Variants in RUFY3 observed in about 807,000 individuals in gnomAD.
RUFY3 encodes protein RUFY3.
In RUFY3, 34 loss-of-function variants were observed where a neutral mutation model predicts 84.0. The ratio of observed to expected loss-of-function variants is 0.40; its 90% CI spans 0.31 to 0.54. RUFY3 has a LOEUF of 0.54. RUFY3 is among the 20% of genes least tolerant of loss of function. The pLI is 0.39. For synonymous variants in RUFY3, 242 were observed against 252.9 expected, an observed-to-expected ratio of 0.96 and a Z score of 0.41; for missense variants, 507 against 736.8, an observed-to-expected ratio of 0.69 and a Z score of 3.61.
At chr4:70,804,442 C>T (rs770978924) in intron 17 of RUFY3, 26 bp downstream of exon 17, 1 of 1,597,300 alleles carries the variant, frequency 6.3e-7, no homozygotes, top group South Asian at 1.1e-5. Flanking sequence ...AACGGACAGG[C>T]TTTTCATAGG....
upstream of RUFY3, chr4:70,703,831 C>G (rs1739956538): frequency 6.6e-6 from 1 of 152,138 alleles, no homozygotes; most frequent in Admixed American, 6.5e-5. Flanking sequence ...AAGGGCTGAA[C>G]AGAGAAGAGG....
At chr4:70,763,741 A>T in intron 3 of RUFY3, 72 bp downstream of exon 3, 16 of 1,538,060 alleles carry the variant, frequency 1.0e-5, no homozygotes, top group Non-Finnish European at 1.3e-5. Context: ...AGCAAGACTA[A>T]AGACAATTAT....
At chr4:70,792,628 G>C in intron 12 of RUFY3, 3 of 985,314 alleles carry the variant, frequency 3.0e-6, no homozygotes, top group Non-Finnish European at 3.6e-6. Context: ...ATGCTTTGCA[G>C]CATTTCAGCT....
rs910197342 is a variant in RUFY3, at chr4:70,808,297, T to A, written c.*1638T>A. ...TACTTACTTACATATCTATCTATCTTTGAGTAACAAACTCTTTGGGGGAAA... is the reference window on the plus strand; with the variant it reads ...TACTTACTTACATATCTATCTATCTATGAGTAACAAACTCTTTGGGGGAAA... On this transcript the variant is annotated 3_prime_UTR_variant, in exon 18 of 18. Coordinates refer to ENST00000381006, the MANE Select transcript of RUFY3 (RefSeq NM_001037442.4). 1.4e-4 allele frequency among the ~76,000 whole-genome samples: 22 copies of A among 151,908 alleles called. No homozygotes were observed. The highest frequency in any genetic ancestry group is 4.9e-4 in the African/African-American group (20 of 41,190).
rs560604740 is a variant in RUFY3 at position 70,747,330 on chromosome 4, TAAAAC to T, written c.179-15184_179-15180del. On this transcript the variant is annotated intron_variant, in intron 1 of 17. Transcript: ENST00000381006. ...ACACATCATTTATTTGTATGTATCT[TAAAAC>T]AAAAGTTTCATGAAACAATACATAG... 1.3e-3 allele frequency among the ~76,000 whole-genome samples: 204 copies of T among 152,292 alleles called. 1 individual carries two copies. Among genetic ancestry groups the T allele is most frequent in the African/African-American group, 4.5e-3 (186 of 41,554 alleles).
At chr4:70,777,014 A>G (rs1007780541) in intron 7 of RUFY3, among the ~76,000 whole-genome samples, 5 of 152,108 alleles carry the variant, frequency 3.3e-5, no homozygotes, top group Admixed American at 6.6e-5. Context: ...ACTTCCCTCT[A>G]TTGTTTGTGT....
intron 1 of RUFY3, chr4:70,741,694 C>A: frequency 2.1e-6 from 3 of 1,457,150 alleles, no homozygotes; most frequent in Non-Finnish European, 2.7e-6. Context: ...CGTGCCACAC[C>A]AACATCTTTC....
At chr4:70,763,340 G>C (rs558746301) in intron 2 of RUFY3, among the ~76,000 whole-genome samples, 4 of 152,110 alleles carry the variant, frequency 2.6e-5, no homozygotes, top group Admixed American at 6.6e-5. Flanking sequence ...GCCACAAACT[G>C]TTTGTGAAAG....
intron 10 of RUFY3, among the ~76,000 whole-genome samples, chr4:70,788,247 TG>T (rs1730231783): frequency 6.6e-6 from 1 of 150,454 alleles, no homozygotes; most frequent in African/African-American, 2.5e-5. Context: ...ACTGAGCCCC[TG>T]CACTCCAGCC....
chr4:70,791,702 C>G (rs1365574012), intron 12 of RUFY3: 9 of 1,006,006 alleles, frequency 8.9e-6, no homozygotes, highest in African/African-American at 1.7e-5. Context: ...CAAGCCTGTT[C>G]TGCCATTGCA....
At chr4:70,758,987 G>A (rs1724523184) in intron 1 of RUFY3, among the ~76,000 whole-genome samples, 2 of 151,772 alleles carry the variant, frequency 1.3e-5, no homozygotes, top group African/African-American at 2.4e-5. Flanking sequence ...GCAGTGAGCC[G>A]AGATCGTGCC....
At chr4:70,743,966 A>G (rs1721736828) in intron 1 of RUFY3, among the ~76,000 whole-genome samples, 1 of 152,170 alleles carries the variant, frequency 6.6e-6, no homozygotes, top group Non-Finnish European at 1.5e-5. Context: ...GAGATGTTAT[A>G]AATAAGTGCT....
chr4:70,793,623 TC>T (rs796149018), intron 12 of RUFY3, 161 bp from the exon 13 acceptor site: 147 of 1,485,768 alleles, frequency 9.9e-5, no homozygotes, highest in South Asian at 2.1e-4. Flanking sequence ...CTCCATCTTT[TC>T]CCCCCCATAA....
intron 5 of RUFY3, among the ~76,000 whole-genome samples, chr4:70,772,779 G>C (rs1727188790): frequency 6.6e-6 from 1 of 152,036 alleles, no homozygotes; most frequent in Admixed American, 6.6e-5. Flanking sequence ...TCCTGCCTCA[G>C]CCTCCCGAGT....
At chr4:70,791,615 A>G in intron 12 of RUFY3, 1 of 1,122,110 alleles carries the variant, frequency 8.9e-7, no homozygotes. Flanking sequence ...GAAGCTCTGT[A>G]CATATACTAA....
intron 1 of RUFY3, among the ~76,000 whole-genome samples, chr4:70,736,611 G>A (rs973482906): frequency 6.7e-6 from 1 of 149,926 alleles, no homozygotes; most frequent in African/African-American, 2.5e-5. Context: ...TGCTCTTATT[G>A]TCTGGGCTGG....
At chr4:70,713,140 C>T (rs1741175579) in intron 1 of RUFY3, among the ~76,000 whole-genome samples, 1 of 152,228 alleles carries the variant, frequency 6.6e-6, no homozygotes, top group Non-Finnish European at 1.5e-5. Context: ...TCTCCTGCCT[C>T]AGTCTCCTGA....
chr4:70,754,984 A>C (rs1382654675), intron 1 of RUFY3, among the ~76,000 whole-genome samples: 1 of 151,386 alleles, frequency 6.6e-6, no homozygotes, highest in Non-Finnish European at 1.5e-5. Context: ...GCTCACTGCA[A>C]CCTCCGCTTC....
intron 1 of RUFY3, among the ~76,000 whole-genome samples, chr4:70,757,711 T>G (rs1307001732): frequency 6.6e-6 from 1 of 152,246 alleles, no homozygotes; most frequent in Non-Finnish European, 1.5e-5. Flanking sequence ...TGCTGTACAC[T>G]GCCCTATTTG....
Sources: allele counts gnomAD v4.1 joint callset (sites outside exome capture counted in the v4.1 genomes callset), GRCh38; gene constraint gnomAD v4.1.1; transcripts MANE v1.5; gene names NCBI Gene and HGNC (gene_info 2026-07-23, HGNC 2026-07-21).